Variants in CFAP47 observed in about 807,000 individuals in gnomAD.
The protein encoded by CFAP47 is cilia- and flagella-associated protein 47.
A neutral mutation model predicts 148.1 loss-of-function variants in CFAP47; 29 were observed. The observed-to-expected ratio is 0.20, with a 90% CI of 0.15 to 0.27. The LOEUF (loss-of-function observed/expected upper bound fraction) is 0.27, where lower values mean the gene tolerates loss of function less well. CFAP47 is among the 10% of genes least tolerant of loss of function. CFAP47 has a pLI of 1.00. For synonymous variants in CFAP47, 664 were observed against 577.3 expected, an observed-to-expected ratio of 1.15 and a Z score of -2.15; for missense variants, 1,872 against 1,697.5, an observed-to-expected ratio of 1.10 and a Z score of -1.81.
rs367615794 is a variant in CFAP47 at position 35,998,314 on chromosome X, T to A, written c.3177+925T>A. Among the ~76,000 whole-genome samples the A allele has an allele frequency of 4.5e-5, 5 of 111,399 alleles. No homozygotes were observed. The East Asian group carries it at 1.4e-3, about 31-fold the overall frequency. ...CACAGACAAACACATACACCACTTTTTTGTTGTTGTTCTTGCCAGCGCTTT... is the reference window on the plus strand; with the variant it reads ...CACAGACAAACACATACACCACTTTATTGTTGTTGTTCTTGCCAGCGCTTT... On this transcript the variant is annotated intron_variant, in intron 19 of 63. Coordinates refer to ENST00000378653, the MANE Select transcript of CFAP47 (RefSeq NM_001304548.2).
At chrX:36,139,365 C>T (rs776132624) in intron 35 of CFAP47, among the ~76,000 whole-genome samples, 120 of 111,349 alleles carry the variant, frequency 1.1e-3, no homozygotes, top group Non-Finnish European at 1.6e-3. Flanking sequence ...GAATAGGTTT[C>T]CCCAGTTGAA....
At chrX:36,210,817 T>G (rs1246612234) in intron 45 of CFAP47, among the ~76,000 whole-genome samples, 3 of 112,710 alleles carry the variant, frequency 2.7e-5, no homozygotes, top group East Asian at 5.6e-4. Context: ...TTATCTTTCT[T>G]GTAAGACTTT....
At chrX:36,257,452 G>A (rs1940766933) in intron 49 of CFAP47, among the ~76,000 whole-genome samples, 1 of 106,170 alleles carries the variant, frequency 9.4e-6, no homozygotes. Context: ...TTGAGACAGG[G>A]TCTCACCCTG....
chrX:36,007,227 T>C (rs1261122342), intron 21 of CFAP47, among the ~76,000 whole-genome samples: 2 of 112,225 alleles, frequency 1.8e-5, no homozygotes, highest in Non-Finnish European at 3.8e-5. Flanking sequence ...TTTAAGGATA[T>C]GCAGAACCTT....
chrX:35,926,367 A>G (rs67522120), intron 2 of CFAP47, among the ~76,000 whole-genome samples, 199 bp downstream of exon 2: 7,401 of 112,119 alleles, frequency 0.066, 637 homozygotes, highest in African/African-American at 0.23. Context: ...ACATTCAACA[A>G]TTGAATGTAT....
intron 51 of CFAP47, 34 bp from the exon 52 acceptor site, chrX:36,298,943 A>G (rs1367486986): frequency 3.1e-6 from 3 of 978,445 alleles, no homozygotes; most frequent in Non-Finnish European, 4.2e-6. Context: ...TGCTGACACT[A>G]AAAGTTGATT....
At chrX:36,371,839 T>C (rs1434266656) in intron 62 of CFAP47, among the ~76,000 whole-genome samples, 3 of 72,220 alleles carry the variant, frequency 4.2e-5, no homozygotes, top group Non-Finnish European at 7.2e-5. Flanking sequence ...CATGTGTGTA[T>C]ATGTGTGTAT....
chrX:35,951,106 A>G (rs1262568219), intron 4 of CFAP47, 25 bp from the exon 5 acceptor site: 7 of 1,041,569 alleles, frequency 6.7e-6, no homozygotes, highest in Middle Eastern at 2.5e-4. Context: ...ATATGTATGT[A>G]TGTGCATATC....
At chrX:36,087,533 C>T (rs368227141) in intron 30 of CFAP47, among the ~76,000 whole-genome samples, 1 of 112,032 alleles carries the variant, frequency 8.9e-6, no homozygotes, top group Non-Finnish European at 1.9e-5. Context: ...CTTTCAACTC[C>T]GCTGGCTTAT....
chrX:36,018,249 A>AT (rs954905538), intron 22 of CFAP47, among the ~76,000 whole-genome samples: 3 of 111,923 alleles, frequency 2.7e-5, no homozygotes, highest in Non-Finnish European at 3.8e-5. Flanking sequence ...CATTTATAAT[A>AT]TTTTTTGATG....
At chrX:36,358,723 C>A (rs1479249002) in intron 60 of CFAP47, among the ~76,000 whole-genome samples, 1 of 111,823 alleles carries the variant, frequency 8.9e-6, no homozygotes, top group Non-Finnish European at 1.9e-5. Context: ...ACCCTCTCTG[C>A]TCTGCCCTCA....
chrX:36,087,611 G>A (rs1377385572), intron 30 of CFAP47, among the ~76,000 whole-genome samples: 1 of 111,905 alleles, frequency 8.9e-6, no homozygotes, highest in Non-Finnish European at 1.9e-5. Flanking sequence ...CATTCATCTG[G>A]AATTTCTAAC....
intron 38 of CFAP47, among the ~76,000 whole-genome samples, 176 bp downstream of exon 38, chrX:36,159,752 G>A (rs1939407574): frequency 9.0e-6 from 1 of 111,595 alleles, no homozygotes; most frequent in Admixed American, 9.5e-5. Context: ...GTTTTTGCTG[G>A]ACTAAGGGTT....
chrX:35,958,170 G>A (rs909409109), intron 8 of CFAP47, among the ~76,000 whole-genome samples: 6 of 111,360 alleles, frequency 5.4e-5, no homozygotes, highest in African/African-American at 1.3e-4. Flanking sequence ...TTCATTTAGC[G>A]TAATATTTTC....
At chrX:36,118,570 C>A (rs1410424659) in intron 33 of CFAP47, among the ~76,000 whole-genome samples, 7 of 110,801 alleles carry the variant, frequency 6.3e-5, no homozygotes, top group Non-Finnish European at 1.1e-4. Context: ...CCCGGGTTTA[C>A]ACCATTCTCC....
At chrX:36,228,244 A>G (rs1238203728) in intron 45 of CFAP47, among the ~76,000 whole-genome samples, 2 of 111,095 alleles carry the variant, frequency 1.8e-5, no homozygotes, top group African/African-American at 6.5e-5. Flanking sequence ...GGCCAGTTAA[A>G]TGTAATGTTT....
chrX:36,249,816 T>G (rs782660347), intron 48 of CFAP47, among the ~76,000 whole-genome samples: 4 of 110,789 alleles, frequency 3.6e-5, no homozygotes, highest in Non-Finnish European at 7.6e-5. Context: ...TACACCAACA[T>G]AGAATATATG....
intron 50 of CFAP47, among the ~76,000 whole-genome samples, chrX:36,285,353 C>T (rs782789754): frequency 5.4e-5 from 6 of 111,265 alleles, no homozygotes; most frequent in Admixed American, 2.9e-4. Context: ...TAAAACATTC[C>T]GAAATTCATT....
At chrX:36,076,441 G>A (rs1412374784) in intron 29 of CFAP47, among the ~76,000 whole-genome samples, 1 of 105,432 alleles carries the variant, frequency 9.5e-6, no homozygotes, top group Non-Finnish European at 1.9e-5. Flanking sequence ...TGACTGGTGT[G>A]AGATGGTATC....
Sources: gnomAD v4.1 joint callset for allele counts (sites outside exome capture counted in the v4.1 genomes callset) on GRCh38, gnomAD v4.1.1 for gene constraint, MANE v1.5 for transcripts, NCBI Gene and HGNC (gene_info 2026-07-23, HGNC 2026-07-21) for gene names.